The following GRHL2 variants were observed in gnomAD, a reference collection of about 807,000 sequenced individuals.
The protein encoded by GRHL2 is grainyhead-like protein 2 homolog.
In GRHL2, 21 loss-of-function variants were observed where a neutral mutation model predicts 83.8. That is an observed-to-expected ratio of 0.25 (90% CI 0.18 to 0.36). GRHL2 has a LOEUF of 0.36. Ranked by LOEUF, GRHL2 falls within the 10% of genes least tolerant of loss-of-function variation. The pLI is 1.00. For missense variants in GRHL2, 623 were observed against 781.8 expected (o/e 0.80, Z 2.42); for synonymous variants, 280 against 278.9 (o/e 1.00, Z -0.04).
intron 9 of GRHL2, 113 bp downstream of exon 9, chr8:101,619,810 T>C: frequency 1.3e-6 from 1 of 789,932 alleles, no homozygotes; most frequent in Non-Finnish European, 2.1e-6. Context: ...ATATTCACTT[T>C]ACTCATCACA....
intron 14 of GRHL2, among the ~76,000 whole-genome samples, chr8:101,654,909 G>A (rs1193933542): frequency 6.6e-6 from 1 of 152,182 alleles, no homozygotes. Context: ...CAGGCCAGGG[G>A]TAGTGGCTCA....
chr8:101,661,092 A>G (rs1014950360), intron 14 of GRHL2, among the ~76,000 whole-genome samples: 17 of 152,248 alleles, frequency 1.1e-4, no homozygotes, highest in Admixed American at 2.0e-4. Context: ...AATATGGCCC[A>G]ACACAAATTC....
chr8:101,564,833 A>G (rs1357419351), intron 4 of GRHL2, among the ~76,000 whole-genome samples: 1 of 132,366 alleles, frequency 7.6e-6, no homozygotes, highest in Admixed American at 7.6e-5. Flanking sequence ...AAAAAAAACC[A>G]CTTTAATGGA....
rs535110864 is a variant in GRHL2 at position 101,655,641 on chromosome 8, A to G, written c.1698+6142A>G. 5.9e-5 allele frequency among the ~76,000 whole-genome samples: 9 copies of G among 152,308 alleles called. No individual in the cohort carries two copies. The South Asian group carries it at 1.4e-3, about 25-fold the overall frequency. On this transcript the variant is annotated intron_variant, in intron 14 of 15. Transcript: ENST00000646743. ...TCTATCATCAGCCAGATGTTACTAA[A>G]TATTCCCATACTTGGTATCATTTGG... is the stretch of plus-strand genomic sequence containing the variant.
chr8:101,551,427 C>T (rs1341861754), intron 2 of GRHL2, among the ~76,000 whole-genome samples: 1 of 152,086 alleles, frequency 6.6e-6, no homozygotes, highest in East Asian at 1.9e-4. Context: ...CTCTTGGTCA[C>T]TCTGCTCTGT....
intron 8 of GRHL2, among the ~76,000 whole-genome samples, chr8:101,616,240 G>A (rs899742799): frequency 8.0e-5 from 12 of 150,456 alleles, no homozygotes; most frequent in Non-Finnish European, 1.5e-4. Flanking sequence ...GCATGATCTC[G>A]GCTCACTGCA....
At chr8:101,533,599 G>A (rs1465089085) in intron 1 of GRHL2, among the ~76,000 whole-genome samples, 1 of 152,168 alleles carries the variant, frequency 6.6e-6, no homozygotes, top group East Asian at 1.9e-4. Flanking sequence ...GGTGATGGCT[G>A]TTATGGAAAA....
At chr8:101,674,131 C>A (rs1482746644), downstream of GRHL2, among the ~76,000 whole-genome samples, 1 of 152,026 alleles carries the variant, frequency 6.6e-6, no homozygotes, top group Non-Finnish European at 1.5e-5. Context: ...GACACCCTAA[C>A]GTCACAATTA....
chr8:101,653,517 C>A (rs1257811617), intron 14 of GRHL2, among the ~76,000 whole-genome samples: 1 of 152,008 alleles, frequency 6.6e-6, no homozygotes, highest in African/African-American at 2.4e-5. Flanking sequence ...AGATGCCATC[C>A]CACAGATGGA....
chr8:101,566,358 G>C (rs892435722), intron 4 of GRHL2, among the ~76,000 whole-genome samples: 1 of 149,128 alleles, frequency 6.7e-6, no homozygotes, highest in African/African-American at 2.5e-5. Flanking sequence ...GAATGTCTAT[G>C]AATGTCCCAG....
At chr8:101,539,941 C>T (rs867055397) in intron 1 of GRHL2, among the ~76,000 whole-genome samples, 2 of 152,108 alleles carry the variant, frequency 1.3e-5, no homozygotes, top group East Asian at 3.9e-4. Context: ...CTGGCAGGTA[C>T]GTGGGGTAAA....
chr8:101,594,179 G>A (rs529566516), intron 7 of GRHL2, among the ~76,000 whole-genome samples: 78 of 151,676 alleles, frequency 5.1e-4, no homozygotes, highest in Non-Finnish European at 5.6e-4. Context: ...ATCGGAGATC[G>A]GAGTCACACA....
intron 7 of GRHL2, among the ~76,000 whole-genome samples, chr8:101,585,824 C>G (rs1188967460): frequency 6.6e-6 from 1 of 152,140 alleles, no homozygotes; most frequent in Admixed American, 6.5e-5. Flanking sequence ...CATAATTGAG[C>G]CACTGTGGGT....
intron 13 of GRHL2, among the ~76,000 whole-genome samples, chr8:101,645,599 C>A (rs1813496731): frequency 6.6e-6 from 1 of 152,104 alleles, no homozygotes; most frequent in Non-Finnish European, 1.5e-5. Context: ...CACTTCTGCT[C>A]CTCGGCGTCC....
At chr8:101,604,665 TA>T (rs1418426498) in intron 8 of GRHL2, among the ~76,000 whole-genome samples, 1 of 152,170 alleles carries the variant, frequency 6.6e-6, no homozygotes, top group Non-Finnish European at 1.5e-5. Context: ...CTTGGTTTAT[TA>T]TACATAAGAT....
intron 9 of GRHL2, among the ~76,000 whole-genome samples, chr8:101,628,544 C>T (rs970688107): frequency 6.6e-6 from 1 of 152,152 alleles, no homozygotes; most frequent in Non-Finnish European, 1.5e-5. Context: ...GCCCATGGAT[C>T]GAGGAATAAT....
intron 8 of GRHL2, among the ~76,000 whole-genome samples, chr8:101,600,125 GA>G (rs1181633235): frequency 5.3e-5 from 8 of 152,136 alleles, no homozygotes; most frequent in Admixed American, 5.2e-4. Flanking sequence ...CACGGCCACA[GA>G]AGAAGAATTG....
At chr8:101,518,961 G>A (rs1810626463) in intron 1 of GRHL2, among the ~76,000 whole-genome samples, 1 of 152,104 alleles carries the variant, frequency 6.6e-6, no homozygotes, top group African/African-American at 2.4e-5. Context: ...TCCCCCACTG[G>A]CCTCGTCTGT....
chr8:101,549,563 G>A lies in GRHL2; in HGVS notation c.217-3152G>A, dbSNP rs141656803. 9.8e-3 allele frequency among the ~76,000 whole-genome samples: 1,487 copies of A among 152,304 alleles called. 16 individuals are homozygous for A. Among genetic ancestry groups the A allele is most frequent in the Non-Finnish European group, 0.016 (1,091 of 68,018 alleles). ...CAGGGGACTTTGTGCCACCTGGTTG[G>A]AAGGGGAGAGGGCGAGGGATGCTTG... On this transcript the variant is annotated intron_variant, in intron 2 of 15. Coordinates refer to ENST00000646743, the MANE Select transcript of GRHL2 (RefSeq NM_024915.4).
Sources: allele counts gnomAD v4.1 joint callset (sites outside exome capture counted in the v4.1 genomes callset), GRCh38; gene constraint gnomAD v4.1.1; transcripts MANE v1.5; gene names NCBI Gene and HGNC (gene_info 2026-07-23, HGNC 2026-07-21).